MSI2: variants seen among roughly 807,000 people sequenced by gnomAD.
MSI2 encodes the protein RNA-binding protein Musashi homolog 2.
In MSI2, 17 loss-of-function variants were observed where a neutral mutation model predicts 45.6. The observed-to-expected ratio is 0.37, with a 90% CI of 0.26 to 0.56. The LOEUF is 0.56. Among genes scored for constraint, MSI2 ranks in the 20% least tolerant of loss-of-function variants. The pLI is 0.77. For missense variants in MSI2, 293 were observed against 444.2 expected (o/e 0.66, Z 3.06); for synonymous variants, 156 against 158.2 (o/e 0.99, Z 0.11).
chr17:57,458,544 C>T (rs548474909), intron 6 of MSI2, among the ~76,000 whole-genome samples: 30 of 152,310 alleles, frequency 2.0e-4, no homozygotes, highest in Admixed American at 1.4e-3. Flanking sequence ...TGGAAGCTGA[C>T]AGCCTCATTG....
chr17:57,502,602 G>GATAGATATATATATATATAT (rs1190802566), intron 6 of MSI2, among the ~76,000 whole-genome samples: 8 of 54,414 alleles, frequency 1.5e-4, no homozygotes, highest in African/African-American at 3.5e-4. Flanking sequence ...ATGACTCTGA[G>GATAGATATATATATATATAT]ATATATATAT....
At chr17:57,614,251 C>A (rs1390265389) in intron 8 of MSI2, among the ~76,000 whole-genome samples, 1 of 152,106 alleles carries the variant, frequency 6.6e-6, no homozygotes, top group Non-Finnish European at 1.5e-5. Context: ...CAGGGTTTTG[C>A]CACGATAGCC....
intron 5 of MSI2, among the ~76,000 whole-genome samples, chr17:57,367,457 ATGT>A (rs919985223): frequency 1.3e-5 from 2 of 152,006 alleles, no homozygotes; most frequent in Non-Finnish European, 2.9e-5. Flanking sequence ...GGTCCTTGTG[ATGT>A]TGTTGTCTTG....
intron 4 of MSI2, among the ~76,000 whole-genome samples, chr17:57,259,447 A>C (rs958476752): frequency 3.3e-5 from 5 of 152,222 alleles, no homozygotes; most frequent in Non-Finnish European, 7.3e-5. Context: ...TTTAACATTG[A>C]ATGGAAGAGA....
chr17:57,567,586 ACCGGCGACTG>A (rs1311960746), intron 7 of MSI2, among the ~76,000 whole-genome samples: 1 of 152,216 alleles, frequency 6.6e-6, no homozygotes, highest in Non-Finnish European at 1.5e-5. Flanking sequence ...CCGGCAGTTA[ACCGGCGACTG>A]CCAGTCTCTC....
intron 6 of MSI2, among the ~76,000 whole-genome samples, chr17:57,405,614 G>T (rs1238854071): frequency 1.3e-5 from 2 of 152,114 alleles, no homozygotes; most frequent in Non-Finnish European, 2.9e-5. Context: ...CATGACGCAG[G>T]GACAGTGAAG....
chr17:57,303,106 G>T (rs1486051383), intron 5 of MSI2, among the ~76,000 whole-genome samples: 4 of 152,208 alleles, frequency 2.6e-5, no homozygotes, highest in Non-Finnish European at 5.9e-5. Flanking sequence ...TGTTCACGGG[G>T]AAGTCCCCAA....
At chr17:57,361,197 C>T (rs1916788690) in intron 5 of MSI2, among the ~76,000 whole-genome samples, 1 of 152,106 alleles carries the variant, frequency 6.6e-6, no homozygotes, top group Non-Finnish European at 1.5e-5. Context: ...ACTACTTAAC[C>T]TATCATCAAC....
chr17:57,623,753 C>T (rs927683596), intron 9 of MSI2, among the ~76,000 whole-genome samples: 9 of 152,170 alleles, frequency 5.9e-5, no homozygotes, highest in Admixed American at 2.6e-4. Flanking sequence ...AGCGTCTGCA[C>T]GGGTCTGCTG....
chr17:57,475,955 A>G (rs562939614), intron 6 of MSI2, among the ~76,000 whole-genome samples: 1 of 152,332 alleles, frequency 6.6e-6, no homozygotes, highest in African/African-American at 2.4e-5. Context: ...ACAACAAAGA[A>G]CAAAGCCACA....
chr17:57,341,616 G>A (rs1257430512), intron 5 of MSI2, among the ~76,000 whole-genome samples: 1 of 152,222 alleles, frequency 6.6e-6, no homozygotes, highest in Non-Finnish European at 1.5e-5. Flanking sequence ...TTTTGGGAGA[G>A]TGTTTGTAGC....
chr17:57,541,470 GA>G (rs374140354), intron 7 of MSI2, among the ~76,000 whole-genome samples: 2 of 151,916 alleles, frequency 1.3e-5, no homozygotes, highest in Non-Finnish European at 2.9e-5. Flanking sequence ...TTTCTATCCT[GA>G]AAAAAAATAA....
chr17:57,651,583 C>T (rs1392000722), intron 10 of MSI2, among the ~76,000 whole-genome samples: 2 of 152,246 alleles, frequency 1.3e-5, no homozygotes, highest in Non-Finnish European at 2.9e-5. Flanking sequence ...CCATGCTAAC[C>T]TGCAGAGCCT....
Position 57,529,319 on chromosome 17 carries a change from C to G in MSI2, c.406-357C>G, listed in dbSNP as rs887065818. 1.3e-5 allele frequency among the ~76,000 whole-genome samples: 2 copies of G among 151,940 alleles called. No homozygotes were observed. The highest frequency in any genetic ancestry group is 2.9e-5 in the Non-Finnish European group (2 of 67,980). ...GGCATGATGGTACATGCCTGTAGTC[C>G]CAGCTACTCAGGAAGCTGAGGCAGG... is the stretch of plus-strand genomic sequence containing the variant. On this transcript the variant is annotated intron_variant, in intron 6 of 13. Transcript: ENST00000284073. This position sits in a 1 kb window ranked among gnomAD's most constrained non-coding sequence, Gnocchi z 5.3.
intron 6 of MSI2, among the ~76,000 whole-genome samples, chr17:57,515,235 G>A (rs557814640): frequency 3.9e-5 from 6 of 152,204 alleles, no homozygotes; most frequent in South Asian, 2.1e-4. Flanking sequence ...ACGGAGTCTC[G>A]CTCTGTTGCC....
intron 7 of MSI2, chr17:57,566,115 A>G (rs2087725518): frequency 6.6e-6 from 1 of 152,106 alleles, no homozygotes; most frequent in Admixed American, 6.5e-5. Context: ...TTTTCTCCTC[A>G]TTTGGAGAAA....
At chr17:57,258,088 T>C (rs986836874) in intron 3 of MSI2, among the ~76,000 whole-genome samples, 182 bp from the exon 4 acceptor site, 2 of 151,964 alleles carry the variant, frequency 1.3e-5, no homozygotes, top group Non-Finnish European at 2.9e-5. Context: ...CCGTTAACCT[T>C]GATGTTTTTT....
chr17:57,541,796 G>A (rs1468267046), intron 7 of MSI2, among the ~76,000 whole-genome samples: 1 of 152,164 alleles, frequency 6.6e-6, no homozygotes, highest in Non-Finnish European at 1.5e-5. Context: ...GATCAAAGTT[G>A]TACACCTTTG....
chr17:57,288,682 G>T (rs1394351460), intron 5 of MSI2, among the ~76,000 whole-genome samples: 1 of 152,202 alleles, frequency 6.6e-6, no homozygotes, highest in Non-Finnish European at 1.5e-5. Flanking sequence ...TTAGAGAGGT[G>T]CTGGGAGTGA....
Sources: allele counts gnomAD v4.1 joint callset (sites outside exome capture counted in the v4.1 genomes callset), GRCh38; gene constraint gnomAD v4.1.1; non-coding constraint Gnocchi (gnomAD v3.1); transcripts MANE v1.5; gene names NCBI Gene and HGNC (gene_info 2026-07-23, HGNC 2026-07-21).